Variants in MAL observed in about 807,000 individuals in gnomAD.
The protein encoded by MAL is myelin and lymphocyte protein.
Under a neutral mutation model 16.7 loss-of-function variants are expected in MAL, and 5 were observed. The ratio of observed to expected loss-of-function variants is 0.30; its 90% CI spans 0.16 to 0.63. The LOEUF (loss-of-function observed/expected upper bound fraction) is 0.63. MAL is among the 30% of genes least tolerant of loss of function. The probability of loss-of-function intolerance (pLI) is 0.82; values close to 1 mark genes in which losing one functional copy is unlikely to be tolerated. For missense variants in MAL, 202 were observed against 195.8 expected (o/e 1.03, Z -0.19); for synonymous variants, 96 against 85.5 (o/e 1.12, Z -0.67).
At chr2:95,051,566 C>T (rs191733098) in intron 3 of MAL, 9 of 152,352 alleles carry the variant, frequency 5.9e-5, no homozygotes, top group Admixed American at 4.6e-4. Context: ...GTTTGTGAGA[C>T]TCACCCAAGT....
At chr2:95,044,876 T>G (rs1474738899) in intron 1 of MAL, among the ~76,000 whole-genome samples, 5 of 152,182 alleles carry the variant, frequency 3.3e-5, no homozygotes, top group African/African-American at 9.7e-5. Flanking sequence ...TCCCCTCACT[T>G]TTCCTGCCAT....
intron 1 of MAL, among the ~76,000 whole-genome samples, chr2:95,029,548 C>T (rs1052762729): frequency 6.6e-6 from 1 of 152,230 alleles, no homozygotes; most frequent in Non-Finnish European, 1.5e-5. Flanking sequence ...TTGCTAAGAA[C>T]ATTCTCATAT....
chr2:95,053,502 C>T lies in MAL; in HGVS notation c.*47C>T, dbSNP rs543658210. ...GAAAACCCAGATGGTGTTAACTGGC[C>T]GCCCCACTTTCCGGCATAACTTTTT... On this transcript the variant is annotated 3_prime_UTR_variant, in exon 4 of 4. Transcript: ENST00000309988. 35 of 1,410,584 alleles carry T rather than the reference C, an allele frequency of 2.5e-5. No individual in the cohort carries two copies. The East Asian group carries it at 4.8e-4, about 19-fold the overall frequency. 87.4% of individuals were successfully genotyped at this position (1,410,584 alleles called of 1,614,324 possible).
At chr2:95,049,853 A>G in intron 3 of MAL, 147 bp downstream of exon 3, 1 of 1,224,496 alleles carries the variant, frequency 8.2e-7, no homozygotes, top group Non-Finnish European at 1.1e-6. Flanking sequence ...TGGAGCAGGA[A>G]AGCCCCCGAG....
Position 95,049,724 on chromosome 2 carries a change from G to A in MAL, c.387+18G>A, listed in dbSNP as rs750589227. On this transcript the variant is annotated intron_variant, in intron 3 of 3. Coordinates refer to ENST00000309988, the MANE Select transcript of MAL (RefSeq NM_002371.4). ...CTGCCGTGGTGAGTCCGGGCACCTG[G>A]GGCTGTGTCCACAGCGGGCGGCTCC... 1 of 1,613,948 alleles carries A rather than the reference G, an allele frequency of 6.2e-7. No individual in the cohort carries two copies. The highest frequency in any genetic ancestry group is 8.5e-7 in the Non-Finnish European group (1 of 1,179,956).
chr2:95,030,848 G>A (rs946124828), intron 1 of MAL, among the ~76,000 whole-genome samples: 1 of 152,254 alleles, frequency 6.6e-6, no homozygotes, highest in Non-Finnish European at 1.5e-5. Context: ...ACTGGACAGA[G>A]TAATGACTAA....
At position 95,047,940 on chromosome 2, in the gene MAL, C is replaced by T. The variant is rs1674627030; in HGVS notation, c.94-19C>T. On this transcript the variant is annotated intron_variant, in intron 1 of 3. Coordinates refer to ENST00000309988, the MANE Select transcript of MAL (RefSeq NM_002371.4). ...GGCTCTCCTCTAGGCCAAAACTCAC[C>T]CCTCCTCCTCCCCCGCAGATCTTCG... The T allele has an allele frequency of 6.2e-7, 1 of 1,609,914 alleles. No individual in the cohort carries two copies. The highest frequency in any genetic ancestry group is 8.5e-7 in the Non-Finnish European group (1 of 1,178,024).
At chr2:95,040,931 G>A (rs1244507715) in intron 1 of MAL, among the ~76,000 whole-genome samples, 1 of 152,204 alleles carries the variant, frequency 6.6e-6, no homozygotes, top group East Asian at 1.9e-4. Context: ...GCTCGGTGCT[G>A]TTGGGAATTC....
chr2:95,040,613 G>T (rs1674438009), intron 1 of MAL, among the ~76,000 whole-genome samples: 2 of 152,152 alleles, frequency 1.3e-5, no homozygotes, highest in South Asian at 4.1e-4. Context: ...AGACGACTCA[G>T]TGAGTGAATA....
In MAL at chr2:95,053,586, A is replaced by C. The variant is rs530978762; in HGVS notation, c.*131A>C. 1.4e-4 allele frequency: 64 copies of C among 462,288 alleles called. No individual in the cohort carries two copies. The highest frequency in any genetic ancestry group is 9.4e-4 in the East Asian group (23 of 24,586). 28.6% of individuals were successfully genotyped at this position (462,288 alleles called of 1,614,324 possible). On this transcript the variant is annotated 3_prime_UTR_variant, in exon 4 of 4. Coordinates refer to ENST00000309988, the MANE Select transcript of MAL (RefSeq NM_002371.4). ...GAAAACAACCACCCCCCCACTGCCC[A>C]AAAAAAAAAGCCCTGCCCTGTTGCT...
rs1674765101 is a variant in MAL at position 95,053,482 on chromosome 2, C to T, written c.*27C>T. ...GCCGCAGTAGAACTTGAGCTGAAAA[C>T]CCAGATGGTGTTAACTGGCCGCCCC... is the stretch of plus-strand genomic sequence containing the variant. On this transcript the variant is annotated 3_prime_UTR_variant, in exon 4 of 4. Coordinates refer to ENST00000309988, the MANE Select transcript of MAL (RefSeq NM_002371.4). 1 of 1,570,962 alleles carries T rather than the reference C, an allele frequency of 6.4e-7. No individual in the cohort carries two copies. The highest frequency in any genetic ancestry group is 1.1e-5 in the South Asian group (1 of 90,168).
chr2:95,050,529 C>T (rs1674693249), intron 3 of MAL, among the ~76,000 whole-genome samples: 1 of 152,220 alleles, frequency 6.6e-6, no homozygotes, highest in Admixed American at 6.5e-5. Flanking sequence ...AAAGCTGTGT[C>T]ATCCCCTCTT....
Position 95,053,656 on chromosome 2 carries a change from T to A in MAL, c.*201T>A. 1 of 584,480 alleles carries A rather than the reference T, an allele frequency of 1.7e-6. No homozygotes were observed. The highest frequency in any genetic ancestry group is 2.8e-5 in the East Asian group (1 of 35,716). 36.2% of individuals were successfully genotyped at this position (584,480 alleles called of 1,614,324 possible). A position where few individuals can be genotyped will look rare whatever the true frequency, so the allele number is the denominator to read the frequency against. ...CTCCCGTGTGCCTTCGCGTCCGGGT[T>A]GGGAGCTTGCTGTGTCTAACCTCCA... On this transcript the variant is annotated 3_prime_UTR_variant, in exon 4 of 4. Transcript: ENST00000309988.
At chr2:95,042,683 G>A (rs1361726233) in intron 1 of MAL, among the ~76,000 whole-genome samples, 4 of 152,204 alleles carry the variant, frequency 2.6e-5, no homozygotes, top group African/African-American at 4.8e-5. Context: ...ACACAGCACC[G>A]TGCCTCCAGG....
intron 1 of MAL, among the ~76,000 whole-genome samples, chr2:95,028,474 A>G (rs554424931): frequency 4.6e-5 from 7 of 152,344 alleles, no homozygotes; most frequent in African/African-American, 1.7e-4. Context: ...TTGGTATGCC[A>G]CTGGCGGGAA....
chr2:95,039,250 A>G (rs1471650272), intron 1 of MAL, among the ~76,000 whole-genome samples: 1,044 of 23,320 alleles, frequency 0.045, no homozygotes, highest in Middle Eastern at 0.093. Flanking sequence ...CTGAGTGAGT[A>G]AGTGTCTGAG....
Position 95,048,608 on chromosome 2 carries a change from G to A in MAL, c.261+482G>A, listed in dbSNP as rs550618011. On this transcript the variant is annotated intron_variant, in intron 2 of 3. Coordinates refer to ENST00000309988, the MANE Select transcript of MAL (RefSeq NM_002371.4). ...CCAGAGAGCACTGGGAAACAGAAGC[G>A]GCCTTTGGTCATTATTCTGTATAAA... Among the ~76,000 whole-genome samples the A allele has an allele frequency of 2.7e-4, 41 of 152,292 alleles. 2 individuals are homozygous for A. In the South Asian group the frequency reaches 7.9e-3, roughly 29 times the overall value.
In MAL at chr2:95,029,476, T is replaced by A. The variant is rs1169035626; in HGVS notation, c.93+3591T>A. Among the ~76,000 whole-genome samples, 8 of 152,382 alleles carry A rather than the reference T, an allele frequency of 5.2e-5. No individual in the cohort carries two copies. The East Asian group carries it at 1.5e-3, about 29-fold the overall frequency. ...ATACATGTTGACTTTGTTTACCCAGTCTTCTGTTAATAGACACTTTGGATA... is the reference window on the plus strand; with the variant it reads ...ATACATGTTGACTTTGTTTACCCAGACTTCTGTTAATAGACACTTTGGATA... On this transcript the variant is annotated intron_variant, in intron 1 of 3. Transcript: ENST00000309988.
rs564863843 is a variant in MAL, at chr2:95,047,887, C to T, written c.94-72C>T. ...TTGCACTCCAGTCACCCCATGTGAC[C>T]GCTGGTCGGGGGCCCTTCCTGGGCT... is the stretch of plus-strand genomic sequence containing the variant. On this transcript the variant is annotated intron_variant, in intron 1 of 3. Transcript: ENST00000309988. The T allele has an allele frequency of 1.7e-4, 249 of 1,484,056 alleles. 2 individuals carry two copies. The South Asian group carries it at 2.3e-3, about 14-fold the overall frequency. 91.9% of individuals were successfully genotyped at this position (1,484,056 alleles called of 1,614,324 possible). A position where few individuals can be genotyped will look rare whatever the true frequency, so the allele number is the denominator to read the frequency against.
Sources: allele counts gnomAD v4.1 joint callset (sites outside exome capture counted in the v4.1 genomes callset), GRCh38; gene constraint gnomAD v4.1.1; transcripts MANE v1.5; gene names NCBI Gene and HGNC (gene_info 2026-07-23, HGNC 2026-07-21).